The following IWS1 variants were observed in gnomAD, a reference collection of about 807,000 sequenced individuals.
IWS1 encodes protein IWS1 homolog.
IWS1 carries 27 observed loss-of-function variants against 86.7 expected under a neutral mutation model. The observed-to-expected ratio is 0.31, with a 90% CI of 0.23 to 0.43. The LOEUF is 0.43. Among genes scored for constraint, IWS1 ranks in the 20% least tolerant of loss-of-function variants. The pLI is 1.00. For synonymous variants in IWS1, 313 were observed against 335.1 expected, an observed-to-expected ratio of 0.93 and a Z score of 0.72; for missense variants, 827 against 1,000.8, an observed-to-expected ratio of 0.83 and a Z score of 2.34.
chr2:127,526,362 GGCAAAGGCGAATTCTTT>G lies in IWS1; in HGVS notation c.-171_-155del, dbSNP rs1692416816. On this transcript the variant is annotated 5_prime_UTR_variant, in exon 1 of 14. An upstream open reading frame in the 5' UTR loses its in-frame stop. Coordinates refer to ENST00000295321, the MANE Select transcript of IWS1 (RefSeq NM_017969.3). ...GTGCGGAGGGTAAGAAAGCGGTAGCGGCAAAGGCGAATTCTTTGACCTGGAAGCCCCGGCGGAAAAGG... is the reference window on the plus strand; with the variant it reads ...GTGCGGAGGGTAAGAAAGCGGTAGCGGACCTGGAAGCCCCGGCGGAAAAGG... 3 of 1,536,806 alleles carry G rather than the reference GGCAAAGGCGAATTCTTT, an allele frequency of 2.0e-6. No homozygotes were observed. Among genetic ancestry groups the G allele is most frequent in the Non-Finnish European group, 2.6e-6 (3 of 1,146,546 alleles).
intron 5 of IWS1, among the ~76,000 whole-genome samples, chr2:127,500,663 T>C (rs1170829833): frequency 6.6e-6 from 1 of 152,202 alleles, no homozygotes; most frequent in African/African-American, 2.4e-5. Context: ...TAAGATCCTG[T>C]CTGGCAATTG....
intron 2 of IWS1, among the ~76,000 whole-genome samples, chr2:127,519,641 A>C (rs1691977773): frequency 6.6e-6 from 1 of 152,212 alleles, no homozygotes; most frequent in South Asian, 2.1e-4. Flanking sequence ...TAGCAAAATA[A>C]TGGCCCTTCA....
intron 7 of IWS1, 60 bp downstream of exon 7, chr2:127,495,938 G>A: frequency 6.9e-7 from 1 of 1,444,462 alleles, no homozygotes; most frequent in Non-Finnish European, 9.2e-7. Flanking sequence ...ATCAAAAAAA[G>A]GGCATCCAAT....
chr2:127,516,159 G>T (rs1362445837), intron 2 of IWS1, among the ~76,000 whole-genome samples: 1 of 152,084 alleles, frequency 6.6e-6, no homozygotes, highest in African/African-American at 2.4e-5. Flanking sequence ...AAAAAATACA[G>T]AAGGCAGCCT....
chr2:127,483,078 T>C (rs1223547577), intron 13 of IWS1: 2 of 151,922 alleles, frequency 1.3e-5, no homozygotes, highest in East Asian at 3.8e-4. Flanking sequence ...TGTCTATGCA[T>C]ATGTATGAAA....
intron 2 of IWS1, chr2:127,514,463 T>C (rs1195426611): frequency 1.3e-5 from 2 of 154,172 alleles, no homozygotes; most frequent in East Asian, 3.9e-4. Flanking sequence ...CAGGAACAAA[T>C]AAGAGCTGTA....
chr2:127,504,252 A>T (rs1690980971), intron 3 of IWS1, among the ~76,000 whole-genome samples: 1 of 152,228 alleles, frequency 6.6e-6, no homozygotes, highest in African/African-American at 2.4e-5. Context: ...TGAATATTCA[A>T]CAATGTTTAA....
chr2:127,486,689 T>C (rs1689948181), intron 12 of IWS1, 25 bp from the exon 13 acceptor site: 1 of 1,579,122 alleles, frequency 6.3e-7, no homozygotes, highest in Admixed American at 1.7e-5. Flanking sequence ...AGGAAGAGCA[T>C]GCTTCTTATG....
intron 6 of IWS1, among the ~76,000 whole-genome samples, chr2:127,496,433 T>C (rs1332008865): frequency 6.6e-6 from 1 of 152,124 alleles, no homozygotes; most frequent in Non-Finnish European, 1.5e-5. Flanking sequence ...ATAAAGCCTA[T>C]GGTAGTGTAC....
At position 127,499,067 on chromosome 2, in the gene IWS1, A is replaced by G. The variant is rs1348851537; in HGVS notation, c.1468-830T>C. On this transcript the variant is annotated intron_variant, in intron 5 of 13. Coordinates refer to ENST00000295321, the MANE Select transcript of IWS1 (RefSeq NM_017969.3). The surrounding 1 kb of genome is among the most constrained non-coding windows in gnomAD (Gnocchi z 4.0). ...GTACAGTCTGATTTTGTTTATGCTA[A>G]TATTTGCCAGGCATAATTTTTCTTT... Among the ~76,000 whole-genome samples the G allele has an allele frequency of 6.6e-6, 1 of 150,376 alleles. No individual in the cohort carries two copies. The highest frequency in any genetic ancestry group is 1.5e-5 in the Non-Finnish European group (1 of 67,830).
intron 2 of IWS1, among the ~76,000 whole-genome samples, chr2:127,522,919 A>G (rs1692179015): frequency 1.3e-5 from 2 of 152,244 alleles, no homozygotes; most frequent in Admixed American, 1.3e-4. Context: ...TCTTAAAATT[A>G]TATTTGCAGG....
At chr2:127,496,661 C>T (rs1690530964) in intron 6 of IWS1, among the ~76,000 whole-genome samples, 1 of 152,040 alleles carries the variant, frequency 6.6e-6, no homozygotes, top group South Asian at 2.1e-4. Context: ...ACCGTAGCCT[C>T]AAACTCCTGG....
In IWS1 at chr2:127,515,390, C is replaced by T. The variant is rs557428516; in HGVS notation, c.150+8286G>A. On this transcript the variant is annotated intron_variant, in intron 2 of 13. Transcript: ENST00000295321. ...TGTTCAGGAAAGCAACACAAGGCTG[C>T]TCTCTCTGGAGGTGTGGCCACAGGC... Among the ~76,000 whole-genome samples the T allele has an allele frequency of 9.9e-4, 151 of 152,328 alleles. 1 individual carries two copies. The highest frequency in any genetic ancestry group is 3.5e-3 in the African/African-American group (145 of 41,584).
In IWS1 at chr2:127,481,048, A is replaced by G. The variant is rs1243401838; in HGVS notation, c.2456T>C (p.Leu819Ser). Residue 819 changes from leucine (L) to serine (S), a missense_variant, in exon 14 of 14, where the codon TTG becomes TCG. Leu to Ser is a moderately radical substitution (Grantham distance 145). Transcript: ENST00000295321. ...GGGGACACATTCCAGGCAAGGTCAC[A>G]ATGGCATTTTGTTGCCCTCAATGCT... ...KISIEGNKMP[L>S] 4 of 1,608,390 alleles carry G rather than the reference A, an allele frequency of 2.5e-6. No homozygotes were observed. The highest frequency in any genetic ancestry group is 3.4e-6 in the Non-Finnish European group (4 of 1,178,258).
In IWS1 at chr2:127,503,159, C is replaced by T. The variant is rs185274809; in HGVS notation, c.1409+228G>A. ...CCACAGATAAATTTTGCCTACTGAA[C>T]TTCATGTAAATGGAATCATATATGT... On this transcript the variant is annotated intron_variant, in intron 4 of 13. Transcript: ENST00000295321. 9.1e-4 allele frequency among the ~76,000 whole-genome samples: 138 copies of T among 152,316 alleles called. 2 individuals are homozygous for T. Among genetic ancestry groups the T allele is most frequent in the African/African-American group, 3.0e-3 (124 of 41,574 alleles).
Position 127,505,477 on chromosome 2 carries a change from A to T in IWS1, c.426T>A (p.His142Gln). The change falls in exon 3 of 14, where the codon CAT (histidine) becomes CAA (glutamine). Residue 142 changes from histidine to glutamine, a missense_variant. Physicochemically the swap from His to Gln is conservative, Grantham distance 24. Transcript: ENST00000295321. The surrounding 1 kb of genome is among the most constrained non-coding windows in gnomAD (Gnocchi z 5.0). ...CATCTTCGTTTTCTGAGTCACTTGCATGCCCATTAAGAAGTTCCTCATTTT... is the reference window on the plus strand; with the variant it reads ...CATCTTCGTTTTCTGAGTCACTTGCTTGCCCATTAAGAAGTTCCTCATTTT... ...DSENEELLNG[H>Q]ASDSENEDVG... The T allele has an allele frequency of 6.2e-7, 1 of 1,614,070 alleles. No homozygotes were observed. Among genetic ancestry groups the T allele is most frequent in the Non-Finnish European group, 8.5e-7 (1 of 1,179,992 alleles).
intron 2 of IWS1, among the ~76,000 whole-genome samples, chr2:127,518,567 T>C (rs1365112279): frequency 6.7e-6 from 1 of 149,822 alleles, no homozygotes; most frequent in African/African-American, 2.5e-5. Context: ...CGATTCTTTT[T>C]TTTTTTTTTT....
At chr2:127,519,533 T>TA (rs1392748644) in intron 2 of IWS1, among the ~76,000 whole-genome samples, 6 of 150,906 alleles carry the variant, frequency 4.0e-5, no homozygotes, top group South Asian at 2.1e-4. Flanking sequence ...GAAATGAATT[T>TA]AAAAAAAATA....
Position 127,504,877 on chromosome 2 carries a change from T to A in IWS1, c.1026A>T (p.Thr342=), listed in dbSNP as rs762344786. The A allele has an allele frequency of 1.9e-6, 3 of 1,614,236 alleles. No homozygotes were observed. Among genetic ancestry groups the A allele is most frequent in the Non-Finnish European group, 2.5e-6 (3 of 1,180,040 alleles). Residue 342 remains threonine (T), a synonymous_variant, in exon 3 of 14, where the codon ACA becomes ACT. Coordinates refer to ENST00000295321, the MANE Select transcript of IWS1 (RefSeq NM_017969.3). The part of the protein sequence containing the change: ...DSDRENKGED[T]EMQNDSFHSD... The stretch of plus-strand genomic sequence containing the variant: ...AATGGAAGGAGTCATTCTGCATTTC[T>A]GTATCCTCTCCCTTATTCTCCCTGT...
Sources: gnomAD v4.1 joint callset for allele counts (sites outside exome capture counted in the v4.1 genomes callset) on GRCh38, gnomAD v4.1.1 for gene constraint, Gnocchi (gnomAD v3.1) non-coding constraint, MANE v1.5 for transcripts, NCBI Gene and HGNC (gene_info 2026-07-23, HGNC 2026-07-21) for gene names.